CSPP1: variants seen among roughly 807,000 people sequenced by gnomAD.
CSPP1 encodes the protein centrosome and spindle pole-associated protein 1.
CSPP1 carries 126 observed loss-of-function variants against 164.4 expected under a neutral mutation model. That is an observed-to-expected ratio of 0.77 (90% CI 0.66 to 0.89). The LOEUF (loss-of-function observed/expected upper bound fraction) is 0.89. Ranked by LOEUF, CSPP1 falls within the 40% of genes least tolerant of loss-of-function variation. The pLI is 0.00. For missense variants in CSPP1, 1,395 were observed against 1,449.8 expected (o/e 0.96, Z 0.61); for synonymous variants, 472 against 476.7 (o/e 0.99, Z 0.13).
At chr8:67,071,608 A>G (rs1179517379) in intron 1 of CSPP1, among the ~76,000 whole-genome samples, 3 of 152,196 alleles carry the variant, frequency 2.0e-5, no homozygotes, top group Non-Finnish European at 4.4e-5. Context: ...CCAACTTAAC[A>G]TATGTAAACC....
At chr8:67,195,331 T>G in intron 30 of CSPP1, 51 bp from the exon 31 acceptor site, 8 of 1,188,374 alleles carry the variant, frequency 6.7e-6, no homozygotes, top group Non-Finnish European at 1.0e-5. Flanking sequence ...CGCTTATGTC[T>G]CCTGCCTGCC....
chr8:67,084,346 GA>G (rs1423146174), intron 3 of CSPP1: 1 of 152,102 alleles, frequency 6.6e-6, no homozygotes, highest in South Asian at 2.1e-4. Context: ...GCGGTAAGTG[GA>G]TTTTAGTATT....
rs749065903 is a variant in CSPP1 at position 67,164,524 on chromosome 8, C to T, written c.2828+16C>T. ...TTCCTATCAGGCAAGTTTAGAATTG[C>T]AGTTTTTGTGTTCGCTTGAGTTCTT... is the stretch of plus-strand genomic sequence containing the variant. On this transcript the variant is annotated intron_variant, in intron 24 of 30. Transcript: ENST00000678616. The T allele has an allele frequency of 1.6e-6, 2 of 1,249,588 alleles. No individual in the cohort carries two copies. The highest frequency in any genetic ancestry group is 2.3e-6 in the Non-Finnish European group (2 of 855,326). The allele number at this position is 1,249,588 out of a possible 1,614,324, so 77.4% of individuals were successfully genotyped here.
At chr8:67,080,538 G>C (rs902581602) in intron 3 of CSPP1, among the ~76,000 whole-genome samples, 1 of 152,152 alleles carries the variant, frequency 6.6e-6, no homozygotes, top group African/African-American at 2.4e-5. Context: ...CAGGTTAAGG[G>C]CATAGGCCTC....
chr8:67,175,136 G>A, intron 25 of CSPP1, 160 bp from the exon 26 acceptor site: 2 of 622,170 alleles, frequency 3.2e-6, no homozygotes, highest in Non-Finnish European at 5.8e-6. Context: ...CTTTAGTTTT[G>A]TGGCTATTTT....
chr8:67,100,161 A>C (rs578052976), intron 7 of CSPP1, among the ~76,000 whole-genome samples: 1 of 152,110 alleles, frequency 6.6e-6, no homozygotes, highest in African/African-American at 2.4e-5. Flanking sequence ...TTTTTCTTCA[A>C]TGAAAGGTAT....
chr8:67,163,694 G>C, intron 22 of CSPP1, 38 bp from the exon 23 acceptor site: 1 of 1,497,996 alleles, frequency 6.7e-7, no homozygotes. Flanking sequence ...GTGTAGGGAA[G>C]ACATACTGAA....
chr8:67,168,175 T>C (rs926167566), intron 24 of CSPP1, among the ~76,000 whole-genome samples: 1 of 152,088 alleles, frequency 6.6e-6, no homozygotes, highest in Non-Finnish European at 1.5e-5. Context: ...CGCGCGCCTA[T>C]AATCGCAGGC....
At chr8:67,096,874 A>G (rs1483682387) in intron 7 of CSPP1, among the ~76,000 whole-genome samples, 1 of 152,198 alleles carries the variant, frequency 6.6e-6, no homozygotes, top group Non-Finnish European at 1.5e-5. Flanking sequence ...CAACAACAAC[A>G]ATAAAAATAA....
rs376341420 is a variant in CSPP1 at position 67,072,661 on chromosome 8, C to T, written c.-10-1582C>T. On this transcript the variant is annotated intron_variant, in intron 1 of 30. Transcript: ENST00000678616. ...AACATTGAGCTATGATCATACCACT[C>T]CAGCCTGGGCAACGTAGTGAGATCC... Among the ~76,000 whole-genome samples, 4 of 152,018 alleles carry T rather than the reference C, an allele frequency of 2.6e-5. No individual in the cohort carries two copies. The East Asian group carries it at 5.8e-4, about 22-fold the overall frequency.
intron 29 of CSPP1, among the ~76,000 whole-genome samples, chr8:67,192,151 C>T (rs1487655268): frequency 2.0e-5 from 3 of 150,950 alleles, no homozygotes; most frequent in African/African-American, 7.3e-5. Flanking sequence ...CAGTGCACTG[C>T]ACCCTCTGCC....
intron 18 of CSPP1, among the ~76,000 whole-genome samples, chr8:67,151,898 G>A (rs1354740989): frequency 6.6e-6 from 1 of 151,616 alleles, no homozygotes; most frequent in Non-Finnish European, 1.5e-5. Context: ...GACCATCCTG[G>A]CCTACATGGT....
intron 17 of CSPP1, among the ~76,000 whole-genome samples, chr8:67,140,887 G>A (rs1295958498): frequency 1.3e-5 from 2 of 152,170 alleles, no homozygotes; most frequent in Non-Finnish European, 2.9e-5. Flanking sequence ...CCTGGATGTG[G>A]AGGAAGATCA....
At chr8:67,113,686 ATTAT>A (rs932779004) in intron 10 of CSPP1, 115 bp from the exon 11 acceptor site, 2 of 540,040 alleles carry the variant, frequency 3.7e-6, no homozygotes, top group Admixed American at 3.5e-5. Flanking sequence ...AGTTAAAGGA[ATTAT>A]TTGTTTTTGT....
intron 5 of CSPP1, 57 bp from the exon 6 acceptor site, chr8:67,093,486 G>A: frequency 9.5e-7 from 1 of 1,050,204 alleles, no homozygotes; most frequent in South Asian, 1.3e-5. Flanking sequence ...AGGACATTGA[G>A]GGATTTTTTT....
rs767674652 is a variant in CSPP1, at chr8:67,076,569, A to G, written c.187A>G (p.Arg63Gly). The G allele has an allele frequency of 1.3e-6, 2 of 1,586,724 alleles. No individual in the cohort carries two copies. The highest frequency in any genetic ancestry group is 1.8e-5 in the Admixed American group (1 of 57,142). ...CATACCACCAAATAGTCAACAGACC[A>G]GGGGTTCCTTAGGTATGTCATTAGA... ...ENIPPNSQQT[R>G]GSLGIDYGLS... is the part of the protein sequence containing the mutation. Residue 63 changes from arginine to glycine, a missense_variant, in exon 3 of 31, where the codon AGG (arginine) becomes GGG (glycine). Arg to Gly is a moderately radical substitution (Grantham distance 125). Coordinates refer to ENST00000678616, the MANE Select transcript of CSPP1 (RefSeq NM_001382391.1).
intron 16 of CSPP1, chr8:67,134,579 A>C (rs1821868041): frequency 7.0e-6 from 1 of 143,308 alleles, no homozygotes; most frequent in East Asian, 2.0e-4. Flanking sequence ...TTTTTTTTAA[A>C]GACGGAGTCT....
intron 17 of CSPP1, among the ~76,000 whole-genome samples, chr8:67,146,592 T>C (rs1824616425): frequency 6.6e-6 from 1 of 152,204 alleles, no homozygotes; most frequent in Non-Finnish European, 1.5e-5. Context: ...CTTAGCTCTC[T>C]GAATTAGGTC....
intron 1 of CSPP1, among the ~76,000 whole-genome samples, chr8:67,070,200 C>T (rs1237053088): frequency 6.6e-6 from 1 of 151,878 alleles, no homozygotes; most frequent in African/African-American, 2.4e-5. Flanking sequence ...CGGTGGCTCA[C>T]ACCTGTAATC....
Sources: gnomAD v4.1 joint callset for allele counts (sites outside exome capture counted in the v4.1 genomes callset) on GRCh38, gnomAD v4.1.1 for gene constraint, MANE v1.5 for transcripts, NCBI Gene and HGNC (gene_info 2026-07-23, HGNC 2026-07-21) for gene names.